The following MPHOSPH9 variants were observed in gnomAD, a reference collection of about 807,000 sequenced individuals.
The protein encoded by MPHOSPH9 is M-phase phosphoprotein 9.
MPHOSPH9 carries 88 observed loss-of-function variants against 145.5 expected under a neutral mutation model. That is an observed-to-expected ratio of 0.60 (90% CI 0.51 to 0.72). The LOEUF (loss-of-function observed/expected upper bound fraction) is 0.72. MPHOSPH9 is among the 30% of genes least tolerant of loss of function. MPHOSPH9 has a pLI of 0.00. For missense variants in MPHOSPH9, 1,238 were observed against 1,386.6 expected, an observed-to-expected ratio of 0.89 and a Z score of 1.70; for synonymous variants, 435 against 486.2, an observed-to-expected ratio of 0.89 and a Z score of 1.39.
intron 1 of MPHOSPH9, among the ~76,000 whole-genome samples, chr12:123,231,067 T>C (rs1311644649): frequency 6.6e-6 from 1 of 152,216 alleles, no homozygotes; most frequent in Non-Finnish European, 1.5e-5. Context: ...GTATCTCAAT[T>C]AAAAATCTAC....
intron 8 of MPHOSPH9, among the ~76,000 whole-genome samples, chr12:123,204,233 C>T (rs113804400): frequency 0.02 from 3,077 of 150,498 alleles, 40 homozygotes; most frequent in Non-Finnish European, 0.032. Context: ...ACCTGGAAGG[C>T]GGAGGTTGTG....
rs2044394850 is a variant in MPHOSPH9, at chr12:123,168,148, C to T, written c.2457-1359G>A. 3.3e-5 allele frequency among the ~76,000 whole-genome samples: 5 copies of T among 152,086 alleles called. No individual in the cohort carries two copies. The South Asian group carries it at 1.0e-3, about 32-fold the overall frequency. On this transcript the variant is annotated intron_variant, in intron 16 of 23. Coordinates refer to ENST00000606320, the MANE Select transcript of MPHOSPH9 (RefSeq NM_022782.4). ...TGATCTACCCTGAAGTCCACACTCA[C>T]GATACTTTCTCTCTCACCTTTCACC...
At position 123,154,339 on chromosome 12, in the gene MPHOSPH9, G is replaced by A. The variant is rs1457219348; in HGVS notation, c.*2468C>T. On this transcript the variant is annotated 3_prime_UTR_variant, in exon 24 of 24. Transcript: ENST00000606320. ...GAATTGCCATCTTTCCTGCTTTTAG[G>A]TGGAGTGTTTTTTCAGTTGAGTGTT... The A allele has an allele frequency of 1.3e-5, 2 of 152,008 alleles. No individual in the cohort carries two copies. The highest frequency in any genetic ancestry group is 2.9e-5 in the Non-Finnish European group (2 of 68,022). 9.4% of individuals were successfully genotyped at this position (152,008 alleles called of 1,614,324 possible).
intron 1 of MPHOSPH9, among the ~76,000 whole-genome samples, chr12:123,242,537 T>C (rs758962013): frequency 6.6e-6 from 1 of 152,144 alleles, no homozygotes; most frequent in Non-Finnish European, 1.5e-5. Flanking sequence ...TTAGCAGTCA[T>C]TGGAGTAGGG....
At chr12:123,184,598 C>T (rs868416607) in intron 13 of MPHOSPH9, among the ~76,000 whole-genome samples, 3 of 150,034 alleles carry the variant, frequency 2.0e-5, no homozygotes, top group Non-Finnish European at 3.0e-5. Flanking sequence ...CCCGGGTTCA[C>T]GCCATTCTCC....
intron 12 of MPHOSPH9, among the ~76,000 whole-genome samples, chr12:123,195,975 C>T (rs1042781055): frequency 1.7e-4 from 26 of 151,400 alleles, no homozygotes; most frequent in African/African-American, 6.1e-4. Context: ...GTTGAGACTG[C>T]AGTAAGCCAT....
At chr12:123,215,313 A>AT (rs918040421) in intron 6 of MPHOSPH9, among the ~76,000 whole-genome samples, 239 of 145,750 alleles carry the variant, frequency 1.6e-3, no homozygotes, top group African/African-American at 4.7e-3. Flanking sequence ...ACTGTTGCAG[A>AT]TTTTTTTTTT....
chr12:123,218,541 T>C (rs1315992962), intron 5 of MPHOSPH9, 42 bp from the exon 6 acceptor site: 1 of 1,596,618 alleles, frequency 6.3e-7, no homozygotes, highest in African/African-American at 1.3e-5. Context: ...TTTTTTTTGT[T>C]TTGAGACAGA....
At chr12:123,217,081 C>A (rs189372422) in intron 6 of MPHOSPH9, among the ~76,000 whole-genome samples, 1 of 151,872 alleles carries the variant, frequency 6.6e-6, no homozygotes, top group Non-Finnish European at 1.5e-5. Flanking sequence ...TTTTAAAAAA[C>A]CTTACTCAAT....
intron 8 of MPHOSPH9, among the ~76,000 whole-genome samples, chr12:123,207,625 G>A (rs537851527): frequency 1.3e-5 from 2 of 152,096 alleles, no homozygotes; most frequent in Non-Finnish European, 2.9e-5. Context: ...AGGCCAAGGC[G>A]GGCGGATCAC....
At chr12:123,178,862 C>A (rs1263258770) in intron 15 of MPHOSPH9, among the ~76,000 whole-genome samples, 1 of 152,150 alleles carries the variant, frequency 6.6e-6, no homozygotes, top group Non-Finnish European at 1.5e-5. Flanking sequence ...TGGATACTAC[C>A]ATTTACGATT....
At chr12:123,180,177 C>T (rs1252529775) in intron 14 of MPHOSPH9, among the ~76,000 whole-genome samples, 187 bp from the exon 15 acceptor site, 2 of 151,900 alleles carry the variant, frequency 1.3e-5, no homozygotes, top group East Asian at 3.9e-4. Flanking sequence ...AAAGCACCGG[C>T]CTACACAAGT....
chr12:123,187,329 A>G (rs2045489317), intron 13 of MPHOSPH9, among the ~76,000 whole-genome samples: 1 of 152,190 alleles, frequency 6.6e-6, no homozygotes, highest in African/African-American at 2.4e-5. Context: ...AATATGATAT[A>G]CCTCGAGAAA....
Position 123,204,637 on chromosome 12 carries a change from G to A in MPHOSPH9, c.1195-1262C>T, listed in dbSNP as rs2046351544. 3.3e-5 allele frequency among the ~76,000 whole-genome samples: 5 copies of A among 152,334 alleles called. No homozygotes were observed. The South Asian group carries it at 1.0e-3, about 32-fold the overall frequency. On this transcript the variant is annotated intron_variant, in intron 8 of 23. Transcript: ENST00000606320. The stretch of plus-strand genomic sequence containing the variant: ...CACCTGTAATCCCAGCGCTTTGGGA[G>A]GCCAAGGCAGGCGGATCGCCTGAGG...
intron 9 of MPHOSPH9, 53 bp downstream of exon 9, chr12:123,203,197 T>TA: frequency 1.2e-6 from 2 of 1,600,776 alleles, no homozygotes; most frequent in Non-Finnish European, 1.7e-6. Flanking sequence ...AGGTAAAAGT[T>TA]AGAGTCAGGA....
chr12:123,168,129 A>G (rs527794759), intron 16 of MPHOSPH9, among the ~76,000 whole-genome samples: 1 of 152,106 alleles, frequency 6.6e-6, no homozygotes, highest in African/African-American at 2.4e-5. Flanking sequence ...CTCTTGATCT[A>G]CCCTGAAGTC....
chr12:123,240,292 A>G (rs1467810848), intron 1 of MPHOSPH9, among the ~76,000 whole-genome samples: 1 of 151,740 alleles, frequency 6.6e-6, no homozygotes, highest in Non-Finnish European at 1.5e-5. Context: ...GAGAATTGCT[A>G]GAACCCGGGA....
At position 123,221,880 on chromosome 12, in the gene MPHOSPH9, T is replaced by C. The variant is rs2047214755; in HGVS notation, c.364A>G (p.Ile122Val). ...HNQIQHIQEE[I>V]KNLVKLQTSS... ...GTCTGTAATTTGACTAAATTTTTTA[T>C]CTCCTCCTGTATATGCTGGAAATAA... Residue 122 changes from isoleucine to valine, a missense_variant, in exon 5 of 24, where the codon ATA (isoleucine) becomes GTA (valine). Transcript: ENST00000606320. The C allele has an allele frequency of 6.4e-7, 1 of 1,569,426 alleles. No individual in the cohort carries two copies. The highest frequency in any genetic ancestry group is 1.9e-5 in the Admixed American group (1 of 53,602).
rs1173052950 is a variant in MPHOSPH9, at chr12:123,168,916, A to G, written c.2457-2127T>C. On this transcript the variant is annotated intron_variant, in intron 16 of 23. Coordinates refer to ENST00000606320, the MANE Select transcript of MPHOSPH9 (RefSeq NM_022782.4). ...TTTTTTTTTTTTGAGACAGAGTCTCACTCTGTCGCCCAGGCTGGAGTGCAG... is the reference window on the plus strand; with the variant it reads ...TTTTTTTTTTTTGAGACAGAGTCTCGCTCTGTCGCCCAGGCTGGAGTGCAG... Among the ~76,000 whole-genome samples, 7 of 141,996 alleles carry G rather than the reference A, an allele frequency of 4.9e-5. No homozygotes were observed. In the East Asian group the frequency reaches 1.3e-3, roughly 26 times the overall value. The allele number at this position is 141,996 out of a possible 152,430, so 93.2% of individuals were successfully genotyped here.
Sources: allele counts gnomAD v4.1 joint callset (sites outside exome capture counted in the v4.1 genomes callset), GRCh38; gene constraint gnomAD v4.1.1; transcripts MANE v1.5; gene names NCBI Gene and HGNC (gene_info 2026-07-23, HGNC 2026-07-21).